The following FAM90A1 variants were observed in gnomAD, a reference collection of about 807,000 sequenced individuals.
The protein encoded by FAM90A1 is family with sequence similarity 90 member A1.
Under a neutral mutation model 14.8 loss-of-function variants are expected in FAM90A1, and 10 were observed. The ratio of observed to expected loss-of-function variants is 0.67; its 90% CI spans 0.42 to 1.14. The LOEUF (loss-of-function observed/expected upper bound fraction) is 1.14, where lower values mean the gene tolerates loss of function less well. FAM90A1 is among the 50% of genes most tolerant of loss of function. The pLI, the probability that FAM90A1 is intolerant of heterozygous loss-of-function variation, is 0.00. For missense variants in FAM90A1, 567 were observed against 602.8 expected, an observed-to-expected ratio of 0.94 and a Z score of 0.62; for synonymous variants, 236 against 248.4, an observed-to-expected ratio of 0.95 and a Z score of 0.47.
At chr12:8,224,973 T>C (rs1948914257) in intron 3 of FAM90A1, 85 bp from the exon 4 acceptor site, 4 of 1,073,696 alleles carry the variant, frequency 3.7e-6, no homozygotes, top group African/African-American at 1.6e-5. Context: ...GCTAATTCCT[T>C]GCCGGTGTGG....
At position 8,223,982 on chromosome 12, in the gene FAM90A1, C is replaced by A. The variant is rs376003430; in HGVS notation, c.323+34G>T. On this transcript the variant is annotated intron_variant, in intron 5 of 6. Coordinates refer to ENST00000538603, the MANE Select transcript of FAM90A1 (RefSeq NM_018088.3). ...ACACCATGTCCTTAGGAGGCAGTACCCTAAGAGTGGTGAAAACCACTCCCA... is the reference window on the plus strand; with the variant it reads ...ACACCATGTCCTTAGGAGGCAGTACACTAAGAGTGGTGAAAACCACTCCCA... 4 of 1,594,338 alleles carry A rather than the reference C, an allele frequency of 2.5e-6. No individual in the cohort carries two copies. The East Asian group carries it at 6.7e-5, about 27-fold the overall frequency.
chr12:8,221,863 C>T lies in FAM90A1; in HGVS notation c.1354G>A (p.Val452Ile). 2 of 1,596,442 alleles carry T rather than the reference C, an allele frequency of 1.3e-6. No homozygotes were observed. The highest frequency in any genetic ancestry group is 2.2e-5 in the East Asian group (1 of 44,874). ...PPSVLYEDLQ[V>I]PSSSEDSDSD... ...TCGCTGTCCTCTGAGGAGGAGGGAACCTGAAGGTCCTCATAGAGGACGCTT... is the reference window on the plus strand; with the variant it reads ...TCGCTGTCCTCTGAGGAGGAGGGAATCTGAAGGTCCTCATAGAGGACGCTT... The change falls in exon 7 of 7, where the codon GTT (valine) becomes ATT (isoleucine). Residue 452 changes from valine to isoleucine, a missense_variant. Transcript: ENST00000538603.
intron 3 of FAM90A1, among the ~76,000 whole-genome samples, chr12:8,225,241 A>G (rs749454933): frequency 1.3e-5 from 2 of 152,358 alleles, no homozygotes; most frequent in South Asian, 4.1e-4. Context: ...GACCGACAGA[A>G]TGATCGAAGC....
chr12:8,223,038 G>T (rs1948868742), intron 6 of FAM90A1, among the ~76,000 whole-genome samples: 1 of 152,240 alleles, frequency 6.6e-6, no homozygotes, highest in Admixed American at 6.5e-5. Context: ...GGCATTAGCT[G>T]GATCAAAGCG....
chr12:8,225,764 G>GC (rs781388664), intron 3 of FAM90A1, 72 bp downstream of exon 3: 8 of 152,046 alleles, frequency 5.3e-5, no homozygotes, highest in Admixed American at 1.3e-4. Context: ...CTTTCTTTCG[G>GC]CCTCCTTTGT....
In FAM90A1 at chr12:8,224,783, G is replaced by T. The variant is rs1263164624; in HGVS notation, c.50C>A (p.Ala17Asp). 3 of 1,607,848 alleles carry T rather than the reference G, an allele frequency of 1.9e-6. No homozygotes were observed. Among genetic ancestry groups the T allele is most frequent in the South Asian group, 1.1e-5 (1 of 90,928 alleles). The stretch of plus-strand genomic sequence containing the variant: ...CCTCCGCTGCTTCTGGAGGGTCTGG[G>T]CTCTCACCAGTCTCTTTGCCCCAGG... Reference protein sequence around the residue: ...PKPGAKRLVRAQTLQKQRRAP... With the variant: ...PKPGAKRLVRDQTLQKQRRAP... Residue 17 changes from alanine to aspartate, a missense_variant, in exon 4 of 7, where the codon GCC (alanine) becomes GAC (aspartate). Ala to Asp is a moderately radical substitution (Grantham distance 126, BLOSUM62 -2). Coordinates refer to ENST00000538603, the MANE Select transcript of FAM90A1 (RefSeq NM_018088.3).
At position 8,222,626 on chromosome 12, in the gene FAM90A1, A is replaced by G. The variant is rs375687853; in HGVS notation, c.591T>C (p.Leu197=). 2 of 1,611,780 alleles carry G rather than the reference A, an allele frequency of 1.2e-6. No individual in the cohort carries two copies. The highest frequency in any genetic ancestry group is 2.7e-5 in the African/African-American group (2 of 74,856). Residue 197 remains leucine (L), a synonymous_variant, in exon 7 of 7, where the codon CTT becomes CTC. Coordinates refer to ENST00000538603, the MANE Select transcript of FAM90A1 (RefSeq NM_018088.3). ...CCCCTGTCTGTCTTTCCTTTGGTCCAAGACTTGAGGAGGAGCTCAGACTGG... is the reference window on the plus strand; with the variant it reads ...CCCCTGTCTGTCTTTCCTTTGGTCCGAGACTTGAGGAGGAGCTCAGACTGG... ...RKASLSSSSS[L]GPKERQTGAA... is the part of the protein sequence containing the mutation.
chr12:8,221,837 A>T lies in FAM90A1; in HGVS notation c.1380T>A (p.Asp460Glu), dbSNP rs1278912731. The change falls in exon 7 of 7, where the codon GAT becomes GAA. Residue 460 changes from aspartate to glutamate, a missense_variant. By Grantham distance (45) the Asp-to-Glu change is conservative. Coordinates refer to ENST00000538603, the MANE Select transcript of FAM90A1 (RefSeq NM_018088.3). ...ACCTGCAGTCTCACTCCAGGTCAGA[A>T]TCGCTGTCCTCTGAGGAGGAGGGAA... Reference protein sequence around the residue: ...LQVPSSSEDSDSDLE With the variant: ...LQVPSSSEDSESDLE 4 of 1,596,116 alleles carry T rather than the reference A, an allele frequency of 2.5e-6. No homozygotes were observed. Among genetic ancestry groups the T allele is most frequent in the Non-Finnish European group, 3.4e-6 (4 of 1,179,600 alleles).
intron 5 of FAM90A1, 67 bp from the exon 6 acceptor site, chr12:8,223,624 T>G (rs755213195): frequency 7.4e-6 from 7 of 945,812 alleles, no homozygotes; most frequent in Non-Finnish European, 1.2e-5. Flanking sequence ...GAACCCTGTC[T>G]GGGGCCCAGT....
At chr12:8,226,771 CT>C (rs71042350) in intron 1 of FAM90A1, among the ~76,000 whole-genome samples, 39,518 of 122,368 alleles carry the variant, frequency 0.32, 5,027 homozygotes, top group East Asian at 0.55. Context: ...TTCCAAGCAT[CT>C]TTTTTTTTTT....
chr12:8,225,019 G>A (rs1948915146), intron 3 of FAM90A1, 131 bp from the exon 4 acceptor site: 1 of 657,592 alleles, frequency 1.5e-6, no homozygotes, highest in Non-Finnish European at 2.7e-6. Context: ...GGTCAAATCT[G>A]TGGAACACAA....
rs747118222 is a variant in FAM90A1 at position 8,221,994 on chromosome 12, A to G, written c.1223T>C (p.Leu408Pro). Reference protein sequence around the residue: ...RLENGRWSSSLLTAPSFHSPE... With the variant: ...RLENGRWSSSPLTAPSFHSPE... ...AGAGTGAAATGAGGGGGCCGTCAGC[A>G]GGCTGGAGCTCCAGCGTCCGTTTTC... Residue 408 changes from leucine (L) to proline (P), a missense_variant, in exon 7 of 7, where the codon CTG becomes CCG. By Grantham distance (98) the Leu-to-Pro change is moderately conservative. Coordinates refer to ENST00000538603, the MANE Select transcript of FAM90A1 (RefSeq NM_018088.3). 6.3e-7 allele frequency: 1 copy of G among 1,598,126 alleles called. No homozygotes were observed. The highest frequency in any genetic ancestry group is 1.3e-5 in the African/African-American group (1 of 74,862).
In FAM90A1 at chr12:8,224,201, G is replaced by C. The variant is rs758430201; in HGVS notation, c.138C>G (p.Asn46Lys). ...TGGCCGTGTGGCCAAAGGCCTCACA[G>C]TTTTTGCACTTGAGCTGTGGGTGGA... ...DEEDPRLKCK[N>K]CEAFGHTARS... The change falls in exon 5 of 7, where the codon AAC becomes AAG. Residue 46 changes from asparagine to lysine, a missense_variant. Physicochemically the swap from Asn to Lys is moderately conservative, Grantham distance 94 (BLOSUM62 0). Coordinates refer to ENST00000538603, the MANE Select transcript of FAM90A1 (RefSeq NM_018088.3). 3.1e-6 allele frequency: 5 copies of C among 1,611,996 alleles called. No individual in the cohort carries two copies. The East Asian group carries it at 1.1e-4, about 36-fold the overall frequency.
At position 8,222,401 on chromosome 12, in the gene FAM90A1, T is replaced by C; in HGVS notation, c.816A>G (p.Pro272=). ...RPAVTSQPCP[P]AATHSLGLGS... is the part of the protein sequence containing the mutation. ...CTAGGCCCAAGCTGTGTGTGGCGGCTGGTGGGCAGGGCTGTGAGGTCACCG... is the reference window on the plus strand; with the variant it reads ...CTAGGCCCAAGCTGTGTGTGGCGGCCGGTGGGCAGGGCTGTGAGGTCACCG... Residue 272 remains proline, a synonymous_variant, in exon 7 of 7, where the codon CCA becomes CCG. Coordinates refer to ENST00000538603, the MANE Select transcript of FAM90A1 (RefSeq NM_018088.3). 1 of 1,611,682 alleles carries C rather than the reference T, an allele frequency of 6.2e-7. No homozygotes were observed. The highest frequency in any genetic ancestry group is 1.1e-5 in the South Asian group (1 of 90,976).
rs186345885 is a variant in FAM90A1 at position 8,226,342 on chromosome 12, T to C, written c.-284A>G. 3 of 152,418 alleles carry C rather than the reference T, an allele frequency of 2.0e-5. No homozygotes were observed. The highest frequency in any genetic ancestry group is 4.4e-5 in the Non-Finnish European group (3 of 68,060). The allele number at this position is 152,418 out of a possible 1,614,324, so 9.4% of individuals were successfully genotyped here. A position where few individuals can be genotyped will look rare whatever the true frequency, so the allele number is the denominator to read the frequency against. ...GTCATCATGGAGATTCTCCTTGACATGCAGTCACGGCCATGATCCATCTTC... is the reference window on the plus strand; with the variant it reads ...GTCATCATGGAGATTCTCCTTGACACGCAGTCACGGCCATGATCCATCTTC... On this transcript the variant is annotated 5_prime_UTR_variant, in exon 2 of 7. It removes an upstream start codon present in the reference 5' UTR. Coordinates refer to ENST00000538603, the MANE Select transcript of FAM90A1 (RefSeq NM_018088.3).
chr12:8,223,415 G>A (rs1256459584), intron 6 of FAM90A1, 34 bp downstream of exon 6: 6 of 1,342,194 alleles, frequency 4.5e-6, no homozygotes. Context: ...TGACCTAGAG[G>A]AGAAAAAGAC....
rs1468935727 is a variant in FAM90A1, at chr12:8,222,124, G to A, written c.1093C>T (p.His365Tyr). 6.2e-7 allele frequency: 1 copy of A among 1,611,900 alleles called. No individual in the cohort carries two copies. The highest frequency in any genetic ancestry group is 2.2e-5 in the East Asian group (1 of 44,882). The change falls in exon 7 of 7, where the codon CAC becomes TAC. Residue 365 changes from histidine to tyrosine, a missense_variant. Transcript: ENST00000538603. ...QVLSGDRQPP[H>Y]SRPCLPTAQA... The stretch of plus-strand genomic sequence containing the variant: ...GCAGTAGGCAGGCAAGGTCTGCTGT[G>A]CGGAGGCTGCCGGTCGCCGCTAAGC...
At chr12:8,227,286 T>C (rs1591641143) in intron 1 of FAM90A1, among the ~76,000 whole-genome samples, 194 bp downstream of exon 1, 1 of 152,304 alleles carries the variant, frequency 6.6e-6, no homozygotes, top group East Asian at 1.9e-4. Flanking sequence ...CTTTGGCCTC[T>C]AGGCTCCCAG....
In FAM90A1 at chr12:8,222,704, G is replaced by T. The variant is rs773691501; in HGVS notation, c.513C>A (p.Thr171=). The T allele has an allele frequency of 1.2e-6, 2 of 1,607,878 alleles. No homozygotes were observed. The highest frequency in any genetic ancestry group is 1.3e-5 in the African/African-American group (1 of 74,968). The part of the protein sequence containing the change: ...VDPVLSDRSA[T]EMSDRGSVLA... ...AGACGGAGCCCCTGTCAGACATTTC[G>T]GTAGCTGAGCGATCAGAGAGGACAG... The change falls in exon 7 of 7, where the codon ACC becomes ACA. Residue 171 remains threonine (T), a synonymous_variant. Coordinates refer to ENST00000538603, the MANE Select transcript of FAM90A1 (RefSeq NM_018088.3).
Sources: gnomAD v4.1 joint callset for allele counts (sites outside exome capture counted in the v4.1 genomes callset) on GRCh38, gnomAD v4.1.1 for gene constraint, MANE v1.5 for transcripts, NCBI Gene and HGNC (gene_info 2026-07-23, HGNC 2026-07-21) for gene names.